Variants in CREB5 observed in about 807,000 individuals in gnomAD.
The protein encoded by CREB5 is cyclic AMP-responsive element-binding protein 5.
In CREB5, 19 loss-of-function variants were observed where a neutral mutation model predicts 57.1. The ratio of observed to expected loss-of-function variants is 0.33; its 90% CI spans 0.23 to 0.49. CREB5 has a LOEUF of 0.49. Ranked by LOEUF, CREB5 falls within the 20% of genes least tolerant of loss-of-function variation. The probability of loss-of-function intolerance (pLI) is 0.99; values close to 1 mark genes in which losing one functional copy is unlikely to be tolerated. For synonymous variants in CREB5, 238 were observed against 238.3 expected (o/e 1.00, Z 0.01); for missense variants, 579 against 671.6 (o/e 0.86, Z 1.52).
intron 5 of CREB5, among the ~76,000 whole-genome samples, chr7:28,583,812 G>A (rs1056434584): frequency 3.3e-5 from 5 of 152,166 alleles, no homozygotes; most frequent in South Asian, 2.1e-4. Flanking sequence ...CAGAGTAGCC[G>A]GGTTTACAGG....
In CREB5 at chr7:28,655,573, C is replaced by T. The variant is rs547730593; in HGVS notation, c.465-63180C>T. 5.3e-5 allele frequency among the ~76,000 whole-genome samples: 8 copies of T among 152,246 alleles called. No individual in the cohort carries two copies. The South Asian group carries it at 1.5e-3, about 28-fold the overall frequency. On this transcript the variant is annotated intron_variant, in intron 5 of 10. Coordinates refer to ENST00000357727, the MANE Select transcript of CREB5 (RefSeq NM_182898.4). ...AAGGCTGCTGTGAGCTGCGTTCATG[C>T]CACTGCACTCCAGCCTGAGTGACAG...
chr7:28,772,738 C>T (rs1269893932), intron 7 of CREB5, among the ~76,000 whole-genome samples: 1 of 152,182 alleles, frequency 6.6e-6, no homozygotes, highest in African/African-American at 2.4e-5. Context: ...TAACTGCTAT[C>T]TGGAGAGACT....
At chr7:28,624,000 A>G (rs545634614) in intron 5 of CREB5, among the ~76,000 whole-genome samples, 12 of 152,302 alleles carry the variant, frequency 7.9e-5, no homozygotes, top group Admixed American at 6.5e-5. Context: ...GGTGATGACA[A>G]CTTCCTCCAT....
At chr7:28,538,665 C>T (rs777504361) in intron 4 of CREB5, among the ~76,000 whole-genome samples, 2 of 152,020 alleles carry the variant, frequency 1.3e-5, no homozygotes, top group Non-Finnish European at 2.9e-5. Flanking sequence ...CTTTTTGTAA[C>T]TTCTTAAGAT....
intron 5 of CREB5, among the ~76,000 whole-genome samples, chr7:28,622,259 TCACACACA>T (rs4000593): frequency 0.045 from 6,394 of 142,858 alleles, 480 homozygotes; most frequent in African/African-American, 0.15. Flanking sequence ...TCTCTCTCTC[TCACACACA>T]CACACACACA....
At chr7:28,645,454 A>G (rs1057305343) in intron 5 of CREB5, among the ~76,000 whole-genome samples, 3 of 152,180 alleles carry the variant, frequency 2.0e-5, no homozygotes, top group African/African-American at 2.4e-5. Flanking sequence ...ACTGTGCCCA[A>G]TAGGGTGATT....
At chr7:28,785,205 A>AG (rs1445840731) in intron 7 of CREB5, among the ~76,000 whole-genome samples, 5 of 151,718 alleles carry the variant, frequency 3.3e-5, no homozygotes, top group Admixed American at 6.6e-5. Context: ...TGGTGTGGAG[A>AG]CCTCCCAGGG....
chr7:28,661,018 G>A (rs899571316), intron 5 of CREB5, among the ~76,000 whole-genome samples: 13 of 151,800 alleles, frequency 8.6e-5, no homozygotes, highest in East Asian at 1.9e-4. Context: ...CTCATTCACC[G>A]AGCACTTTTT....
intron 1 of CREB5, among the ~76,000 whole-genome samples, chr7:28,312,077 T>C (rs1785290019): frequency 6.6e-6 from 1 of 152,136 alleles, no homozygotes. Context: ...ATGATCTAAT[T>C]AAGTGAATTC....
At chr7:28,818,712 A>C (rs1297906409) in intron 10 of CREB5, 2 of 459,512 alleles carry the variant, frequency 4.4e-6, no homozygotes, top group Non-Finnish European at 8.7e-6. Context: ...TGGTGGGAGG[A>C]GCAGGGATTC....
chr7:28,313,752 T>A (rs1439128793), intron 1 of CREB5, among the ~76,000 whole-genome samples: 1 of 152,192 alleles, frequency 6.6e-6, no homozygotes, highest in African/African-American at 2.4e-5. Context: ...TAACACAGCT[T>A]TGTGGACTTG....
At position 28,757,499 on chromosome 7, in the gene CREB5, C is replaced by T. The variant is rs376806663; in HGVS notation, c.702+33167C>T. ...CATCCTGGCTAACGCGGTGAAACCCCGTCTCTACTAAAAATACAAAAAAAT... is the reference window on the plus strand; with the variant it reads ...CATCCTGGCTAACGCGGTGAAACCCTGTCTCTACTAAAAATACAAAAAAAT... On this transcript the variant is annotated intron_variant, in intron 7 of 10. Transcript: ENST00000357727. 4.6e-5 allele frequency among the ~76,000 whole-genome samples: 7 copies of T among 152,084 alleles called. 1 individual carries two copies. The East Asian group carries it at 5.8e-4, about 13-fold the overall frequency.
At chr7:28,410,454 T>C (rs747278766), upstream of CREB5, 17 of 456,584 alleles carry the variant, frequency 3.7e-5, no homozygotes, top group Non-Finnish European at 6.6e-5. Flanking sequence ...AGGGGCAAGA[T>C]GCGAAGGAAG....
intron 1 of CREB5, among the ~76,000 whole-genome samples, chr7:28,391,829 A>AT (rs1787221994): frequency 6.6e-6 from 1 of 152,080 alleles, no homozygotes; most frequent in Non-Finnish European, 1.5e-5. Context: ...ATAAGCAGCT[A>AT]TTTTATTTGC....
chr7:28,735,105 TTG>T (rs1452190658), intron 7 of CREB5, among the ~76,000 whole-genome samples: 7 of 148,710 alleles, frequency 4.7e-5, no homozygotes, highest in African/African-American at 1.7e-4. Context: ...CTTAATCGTT[TTG>T]GTTTTTTTTG....
At chr7:28,299,866 G>A (rs1785069904) in intron 1 of CREB5, among the ~76,000 whole-genome samples, 1 of 152,126 alleles carries the variant, frequency 6.6e-6, no homozygotes, top group African/African-American at 2.4e-5. Flanking sequence ...GTGTTTGATG[G>A]ACATCAACAT....
At chr7:28,382,468 T>G (rs934955265) in intron 1 of CREB5, among the ~76,000 whole-genome samples, 1 of 152,134 alleles carries the variant, frequency 6.6e-6, no homozygotes, top group Non-Finnish European at 1.5e-5. Context: ...GCTATCTGAG[T>G]ACCCCTTAAC....
At chr7:28,608,113 TCACACACACTCACACA>T (rs1404083857) in intron 5 of CREB5, among the ~76,000 whole-genome samples, 26 of 143,172 alleles carry the variant, frequency 1.8e-4, no homozygotes, top group African/African-American at 4.8e-4. Flanking sequence ...TCTCTCTCTC[TCACACACACTCACACA>T]CACACACACA....
intron 7 of CREB5, among the ~76,000 whole-genome samples, chr7:28,753,769 A>G (rs1805119197): frequency 6.6e-6 from 1 of 152,154 alleles, no homozygotes. Flanking sequence ...AATTTTTAAA[A>G]TTAGATGATG....
Sources: gnomAD v4.1 joint callset for allele counts (sites outside exome capture counted in the v4.1 genomes callset) on GRCh38, gnomAD v4.1.1 for gene constraint, MANE v1.5 for transcripts, NCBI Gene and HGNC (gene_info 2026-07-23, HGNC 2026-07-21) for gene names.